Variants in COL19A1 observed in about 807,000 individuals in gnomAD.
COL19A1 encodes collagen alpha-1(XIX) chain.
In COL19A1, 159 loss-of-function variants were observed where a neutral mutation model predicts 190.2. The observed-to-expected ratio is 0.84, with a 90% CI of 0.73 to 0.95. The LOEUF is 0.95. Among genes scored for constraint, COL19A1 ranks in the 40% least tolerant of loss-of-function variants. The probability of loss-of-function intolerance (pLI) is 0.00; values close to 1 mark genes in which losing one functional copy is unlikely to be tolerated. For missense variants in COL19A1, 1,418 were observed against 1,431.9 expected (o/e 0.99, Z 0.16); for synonymous variants, 509 against 458.9 (o/e 1.11, Z -1.39).
intron 15 of COL19A1, among the ~76,000 whole-genome samples, chr6:70,072,409 T>G (rs1781613229): frequency 1.3e-5 from 2 of 152,166 alleles, no homozygotes; most frequent in African/African-American, 4.8e-5. Context: ...GTGAATCAAC[T>G]AGTTACTGCC....
chr6:69,946,588 T>G (rs1773825291), intron 9 of COL19A1, among the ~76,000 whole-genome samples: 1 of 151,882 alleles, frequency 6.6e-6, no homozygotes, highest in Non-Finnish European at 1.5e-5. Flanking sequence ...GGAAGGAACT[T>G]GAAGCACAAA....
chr6:70,076,472 A>C (rs1197227580), intron 15 of COL19A1, among the ~76,000 whole-genome samples: 4 of 152,188 alleles, frequency 2.6e-5, no homozygotes, highest in African/African-American at 9.7e-5. Flanking sequence ...GGTACAGCTG[A>C]TCCCTTTATG....
intron 9 of COL19A1, among the ~76,000 whole-genome samples, chr6:69,959,688 A>G (rs953446273): frequency 8.5e-5 from 13 of 152,322 alleles, no homozygotes; most frequent in African/African-American, 3.1e-4. Context: ...ATGAAATGAG[A>G]TACTAAATAA....
intron 14 of COL19A1, among the ~76,000 whole-genome samples, chr6:70,061,949 A>T (rs767071794): frequency 9.9e-5 from 15 of 152,198 alleles, no homozygotes; most frequent in Non-Finnish European, 1.9e-4. Context: ...GCCATTTTAA[A>T]GTTGGCCTAA....
intron 15 of COL19A1, among the ~76,000 whole-genome samples, chr6:70,080,136 A>C (rs1782154865): frequency 6.6e-6 from 1 of 152,256 alleles, no homozygotes; most frequent in Non-Finnish European, 1.5e-5. Context: ...GCATATGCAT[A>C]TTCTTCTCAT....
At chr6:70,127,962 A>G (rs1001825339) in intron 17 of COL19A1, among the ~76,000 whole-genome samples, 8 of 152,202 alleles carry the variant, frequency 5.3e-5, no homozygotes, top group East Asian at 3.9e-4. Context: ...ATTGTTTTCA[A>G]TTGTAGAATG....
Position 70,193,101 on chromosome 6 carries a change from GA to G in COL19A1, c.3094+2732del, listed in dbSNP as rs11395308. 3.2e-3 allele frequency among the ~76,000 whole-genome samples: 472 copies of G among 145,916 alleles called. 1 individual carries two copies. Among genetic ancestry groups the G allele is most frequent in the African/African-American group, 0.01 (415 of 39,878 alleles). ...CAGAAAATATAACCAAGCATTTTCAGAAAAAAAAAAAAGTGACATGTTGAGA... is the reference window on the plus strand; with the variant it reads ...CAGAAAATATAACCAAGCATTTTCAGAAAAAAAAAAAGTGACATGTTGAGA... On this transcript the variant is annotated intron_variant, in intron 48 of 50. Transcript: ENST00000620364.
At chr6:70,100,628 G>T (rs1301272257) in intron 15 of COL19A1, among the ~76,000 whole-genome samples, 1 of 150,026 alleles carries the variant, frequency 6.7e-6, no homozygotes, top group Non-Finnish European at 1.5e-5. Flanking sequence ...GAGTGGCTGG[G>T]ATTACAGGCA....
At chr6:70,016,946 A>G (rs150631366) in intron 11 of COL19A1, among the ~76,000 whole-genome samples, 429 of 152,224 alleles carry the variant, frequency 2.8e-3, no homozygotes, top group Non-Finnish European at 4.1e-3. Context: ...CTGGTTTGGG[A>G]ATTTCCTAGA....
At chr6:70,075,398 G>A (rs1333103363) in intron 15 of COL19A1, among the ~76,000 whole-genome samples, 1 of 152,190 alleles carries the variant, frequency 6.6e-6, no homozygotes, top group Non-Finnish European at 1.5e-5. Flanking sequence ...ATCAAATATA[G>A]TTACTGAAGC....
intron 4 of COL19A1, among the ~76,000 whole-genome samples, chr6:69,921,988 A>G (rs1263120882): frequency 6.6e-6 from 1 of 152,122 alleles, no homozygotes; most frequent in Non-Finnish European, 1.5e-5. Flanking sequence ...TATCTTAGAC[A>G]TAGCAAGCTG....
intron 9 of COL19A1, among the ~76,000 whole-genome samples, chr6:69,952,836 A>G (rs1363365583): frequency 6.6e-6 from 1 of 152,042 alleles, no homozygotes; most frequent in Admixed American, 6.6e-5. Context: ...AAATAAAGGC[A>G]GATGCTGTTA....
intron 11 of COL19A1, among the ~76,000 whole-genome samples, chr6:70,008,051 T>C (rs1777741710): frequency 6.6e-6 from 1 of 151,940 alleles, no homozygotes; most frequent in Admixed American, 6.5e-5. Context: ...AGTTTAGTTG[T>C]ATAGATTTAA....
chr6:70,061,928 A>T (rs1780855162), intron 14 of COL19A1, among the ~76,000 whole-genome samples: 1 of 152,160 alleles, frequency 6.6e-6, no homozygotes, highest in Non-Finnish European at 1.5e-5. Context: ...TCTTATAAAC[A>T]CTAGGAATTT....
intron 15 of COL19A1, among the ~76,000 whole-genome samples, chr6:70,092,180 G>T (rs1782970453): frequency 6.6e-6 from 1 of 152,102 alleles, no homozygotes; most frequent in African/African-American, 2.4e-5. Flanking sequence ...GTTACCGCAG[G>T]TGCATCCAGG....
At chr6:69,998,195 C>T (rs2150081109) in intron 11 of COL19A1, among the ~76,000 whole-genome samples, 1 of 152,222 alleles carries the variant, frequency 6.6e-6, no homozygotes, top group African/African-American at 2.4e-5. Context: ...TCCTTGCTAG[C>T]ATAAATGAAC....
chr6:69,985,889 A>G (rs1776284265), intron 11 of COL19A1, among the ~76,000 whole-genome samples: 1 of 152,160 alleles, frequency 6.6e-6, no homozygotes, highest in African/African-American at 2.4e-5. Flanking sequence ...TTCCACCTAC[A>G]TAAATTGAAC....
chr6:69,952,768 A>G (rs2150036464), intron 9 of COL19A1, among the ~76,000 whole-genome samples: 1 of 152,132 alleles, frequency 6.6e-6, no homozygotes, highest in East Asian at 1.9e-4. Flanking sequence ...AATGACTATG[A>G]TCTTTGAATC....
intron 2 of COL19A1, among the ~76,000 whole-genome samples, chr6:69,882,816 T>A (rs1768655547): frequency 6.6e-6 from 1 of 152,220 alleles, no homozygotes; most frequent in Non-Finnish European, 1.5e-5. Context: ...TTCCAAAATG[T>A]GGCTTTTACT....
Sources: allele counts gnomAD v4.1 joint callset (sites outside exome capture counted in the v4.1 genomes callset), GRCh38; gene constraint gnomAD v4.1.1; transcripts MANE v1.5; gene names NCBI Gene and HGNC (gene_info 2026-07-23, HGNC 2026-07-21).